The following RBBP6 variants were observed in gnomAD, a reference collection of about 807,000 sequenced individuals.
RBBP6 encodes the protein E3 ubiquitin-protein ligase RBBP6.
Under a neutral mutation model 167.7 loss-of-function variants are expected in RBBP6, and 25 were observed. The observed-to-expected ratio is 0.15, with a 90% CI of 0.11 to 0.21. The LOEUF (loss-of-function observed/expected upper bound fraction) is 0.21, where lower values mean the gene tolerates loss of function less well. RBBP6 is among the 10% of genes least tolerant of loss of function. The pLI is 1.00. For synonymous variants in RBBP6, 789 were observed against 735.8 expected (o/e 1.07, Z -1.17); for missense variants, 1,868 against 2,134.2 (o/e 0.88, Z 2.46).
Position 24,571,532 on chromosome 16 carries a change from A to G in RBBP6, c.4466A>G (p.Asp1489Gly), listed in dbSNP as rs775596693. 1.2e-6 allele frequency: 2 copies of G among 1,613,730 alleles called. No homozygotes were observed. The highest frequency in any genetic ancestry group is 2.2e-5 in the East Asian group (1 of 44,864). The stretch of plus-strand genomic sequence containing the variant: ...GAGTATTCAAGTTCCAAACGTAGAG[A>G]TGAAAAGAATGAATTAACAAGACGA... Reference protein sequence around the residue: ...TREYSSSKRRDEKNELTRRKD... With the variant: ...TREYSSSKRRGEKNELTRRKD... Residue 1489 changes from aspartate to glycine, a missense_variant, in exon 18 of 18, where the codon GAT becomes GGT. Asp to Gly is a moderately conservative substitution (Grantham distance 94). Around this residue, in one of 7 missense-constraint regions of RBBP6, gnomAD observed 591 missense variants for 540.5 expected, o/e 1.09. Transcript: ENST00000319715.
intron 8 of RBBP6, among the ~76,000 whole-genome samples, chr16:24,560,813 T>G (rs923659536): frequency 2.6e-5 from 4 of 152,228 alleles, no homozygotes; most frequent in African/African-American, 9.6e-5. Context: ...TAGTATTATA[T>G]GCAAATACTA....
At position 24,571,723 on chromosome 16, in the gene RBBP6, C is replaced by T. The variant is rs763985205; in HGVS notation, c.4657C>T (p.Arg1553Trp). The T allele has an allele frequency of 1.9e-5, 31 of 1,613,846 alleles. No homozygotes were observed. The highest frequency in any genetic ancestry group is 1.6e-4 in the Middle Eastern group (1 of 6,084). ...HDHKATYDTK[R>W]PNEETKSVDK... ...TCACAAAGCCACTTATGATACTAAA[C>T]GGCCAAATGAAGAGACAAAATCTGT... is the stretch of plus-strand genomic sequence containing the variant. Residue 1553 changes from arginine (R) to tryptophan (W), a missense_variant, in exon 18 of 18, where the codon CGG (arginine) becomes TGG (tryptophan). Physicochemically the swap from Arg to Trp is moderately radical, Grantham distance 101. This residue lies in a region of RBBP6 where 591 missense variants were observed against 540.5 expected (regional missense o/e 1.09). Transcript: ENST00000319715.
intron 13 of RBBP6, among the ~76,000 whole-genome samples, chr16:24,564,227 A>G (rs1364976744): frequency 6.6e-6 from 1 of 152,192 alleles, no homozygotes; most frequent in Non-Finnish European, 1.5e-5. Flanking sequence ...TAGTTATATA[A>G]TTATTTCTGT....
chr16:24,547,903 G>A (rs1898697437), intron 2 of RBBP6, among the ~76,000 whole-genome samples: 1 of 152,156 alleles, frequency 6.6e-6, no homozygotes, highest in East Asian at 1.9e-4. Flanking sequence ...GAAGTACATG[G>A]CAAAATAAGT....
intron 16 of RBBP6, 64 bp from the exon 17 acceptor site, chr16:24,568,681 A>C (rs1596513657): frequency 2.0e-6 from 3 of 1,516,368 alleles, no homozygotes; most frequent in East Asian, 4.5e-5. Flanking sequence ...CTAGAATCTG[A>C]GAGTCTGTGT....
At chr16:24,557,557 A>G (rs1596505987) in intron 7 of RBBP6, among the ~76,000 whole-genome samples, 1 of 152,120 alleles carries the variant, frequency 6.6e-6, no homozygotes, top group East Asian at 1.9e-4. Context: ...CTGGCCAGGT[A>G]GAGGGACCTT....
At chr16:24,556,483 C>G (rs990055693) in intron 7 of RBBP6, 36 bp downstream of exon 7, 1 of 1,588,288 alleles carries the variant, frequency 6.3e-7, no homozygotes, top group African/African-American at 1.3e-5. Context: ...TGTGGAGACT[C>G]CAGTCAGTCC....
In RBBP6 at chr16:24,556,768, C is replaced by T. The variant is rs910952007; in HGVS notation, c.674+321C>T. 7.2e-5 allele frequency among the ~76,000 whole-genome samples: 11 copies of T among 152,242 alleles called. No individual in the cohort carries two copies. In the East Asian group the frequency reaches 1.5e-3, roughly 21 times the overall value. Reference sequence around the variant, plus strand: ...ATAATCTTATTATATATGCTACTTGCATTTTTAAGTGAACAAAACAGATTG... The same window carrying T: ...ATAATCTTATTATATATGCTACTTGTATTTTTAAGTGAACAAAACAGATTG... On this transcript the variant is annotated intron_variant, in intron 7 of 17. Transcript: ENST00000319715.
At chr16:24,551,325 C>A (rs1179957465) in intron 3 of RBBP6, among the ~76,000 whole-genome samples, 4 of 151,756 alleles carry the variant, frequency 2.6e-5, no homozygotes, top group Admixed American at 6.6e-5. Context: ...TAGTATCTTA[C>A]CAAGAGTCAC....
chr16:24,563,548 A>G, intron 12 of RBBP6, 47 bp downstream of exon 12: 2 of 1,611,404 alleles, frequency 1.2e-6, no homozygotes, highest in Non-Finnish European at 1.7e-6. Flanking sequence ...TTAAAAAATA[A>G]TTTTAGCTTG....
intron 2 of RBBP6, among the ~76,000 whole-genome samples, chr16:24,547,568 G>T (rs762952373): frequency 2.6e-5 from 4 of 152,086 alleles, no homozygotes; most frequent in Admixed American, 2.0e-4. Flanking sequence ...CGATTCTCCT[G>T]CCTCAGCCTC....
intron 15 of RBBP6, 131 bp downstream of exon 15, chr16:24,567,636 C>A: frequency 2.3e-6 from 3 of 1,310,682 alleles, no homozygotes; most frequent in Non-Finnish European, 2.1e-6. Flanking sequence ...AAACCAAAGC[C>A]ATACAAGCAA....
intron 2 of RBBP6, among the ~76,000 whole-genome samples, chr16:24,548,688 A>C (rs1898724893): frequency 6.6e-6 from 1 of 152,200 alleles, no homozygotes; most frequent in South Asian, 2.1e-4. Context: ...CATTTGTTTT[A>C]AGTGGCAGGG....
At chr16:24,547,820 T>C (rs1314310077) in intron 2 of RBBP6, among the ~76,000 whole-genome samples, 4 of 152,238 alleles carry the variant, frequency 2.6e-5, no homozygotes, top group African/African-American at 9.6e-5. Context: ...TACTTTAATT[T>C]ACCAAGTGCT....
At chr16:24,567,616 C>A in intron 15 of RBBP6, 111 bp downstream of exon 15, 1 of 1,374,396 alleles carries the variant, frequency 7.3e-7, no homozygotes, top group Non-Finnish European at 9.8e-7. Flanking sequence ...GAGAAATTCA[C>A]CTAAAATTTA....
intron 17 of RBBP6, 72 bp from the exon 18 acceptor site, chr16:24,570,804 T>C: frequency 1.7e-6 from 2 of 1,203,336 alleles, no homozygotes; most frequent in African/African-American, 1.5e-5. Flanking sequence ...GTTAGCATTT[T>C]TATATTTATC....
chr16:24,562,094 C>T lies in RBBP6; in HGVS notation c.1222C>T (p.Pro408Ser), dbSNP rs1299737409. The T allele has an allele frequency of 1.2e-5, 19 of 1,613,438 alleles. No individual in the cohort carries two copies. Among genetic ancestry groups the T allele is most frequent in the Non-Finnish European group, 1.4e-5 (17 of 1,179,660 alleles). The change falls in exon 10 of 18, where the codon CCT (proline) becomes TCT (serine). Residue 408 changes from proline to serine, a missense_variant. By Grantham distance (74) the Pro-to-Ser change is moderately conservative. This residue lies in a region of RBBP6 where 245 missense variants were observed against 240.1 expected (regional missense o/e 1.02). Coordinates refer to ENST00000319715, the MANE Select transcript of RBBP6 (RefSeq NM_006910.5). ...VSGNPSSAPA[P>S]VPDITATVSI... Reference sequence around the variant, plus strand: ...TGGAAATCCGTCTTCTGCTCCAGCTCCTGTACCTGATATAACTGCAACAGT... The same window carrying T: ...TGGAAATCCGTCTTCTGCTCCAGCTTCTGTACCTGATATAACTGCAACAGT...
At chr16:24,542,828 AT>A (rs766798056) in intron 1 of RBBP6, among the ~76,000 whole-genome samples, 5 of 151,500 alleles carry the variant, frequency 3.3e-5, no homozygotes, top group Non-Finnish European at 7.4e-5. Context: ...TGTGTAACCA[AT>A]TTTTTTTTCC....
At position 24,541,815 on chromosome 16, in the gene RBBP6, ATTAGG is replaced by A. The variant is rs573069650; in HGVS notation, c.166+1029_166+1033del. Among the ~76,000 whole-genome samples, 14 of 152,300 alleles carry A rather than the reference ATTAGG, an allele frequency of 9.2e-5. No homozygotes were observed. In the East Asian group the frequency reaches 2.5e-3, roughly 27 times the overall value. ...TGGAATGAGAAGAAGTGAAGTTACA[ATTAGG>A]TTAGGGTATTTTTTTAGTCACTAAA... On this transcript the variant is annotated intron_variant, in intron 1 of 17. Coordinates refer to ENST00000319715, the MANE Select transcript of RBBP6 (RefSeq NM_006910.5).
Sources: allele counts gnomAD v4.1 joint callset (sites outside exome capture counted in the v4.1 genomes callset), GRCh38; gene constraint gnomAD v4.1.1; regional missense constraint gnomAD v4.1.1; transcripts MANE v1.5; gene names NCBI Gene and HGNC (gene_info 2026-07-23, HGNC 2026-07-21).